The following PRKCE variants were observed in gnomAD, a reference collection of about 807,000 sequenced individuals.
PRKCE encodes the protein protein kinase C epsilon.
In PRKCE, 16 loss-of-function variants were observed where a neutral mutation model predicts 85.4. The observed-to-expected ratio is 0.19, with a 90% CI of 0.13 to 0.28. The LOEUF (loss-of-function observed/expected upper bound fraction) is 0.28. Ranked by LOEUF, PRKCE falls within the 10% of genes least tolerant of loss-of-function variation. PRKCE has a pLI of 1.00. For missense variants in PRKCE, 573 were observed against 975.2 expected (o/e 0.59, Z 5.49); for synonymous variants, 388 against 371.5 (o/e 1.04, Z -0.51).
At chr2:45,685,903 G>T (rs953269521) in intron 1 of PRKCE, among the ~76,000 whole-genome samples, 3 of 152,150 alleles carry the variant, frequency 2.0e-5, no homozygotes, top group Non-Finnish European at 4.4e-5. Flanking sequence ...GCCTATCCAC[G>T]GATAGAACCC....
At chr2:45,753,226 C>T (rs1683729964) in intron 1 of PRKCE, among the ~76,000 whole-genome samples, 1 of 152,120 alleles carries the variant, frequency 6.6e-6, no homozygotes, top group Non-Finnish European at 1.5e-5. Context: ...CACCTCACCC[C>T]ACCCTCCTCC....
chr2:45,950,380 A>C (rs185267874), intron 2 of PRKCE, among the ~76,000 whole-genome samples: 21 of 152,292 alleles, frequency 1.4e-4, no homozygotes, highest in African/African-American at 5.1e-4. Context: ...TCTTTAGGAG[A>C]ATGCATTTTA....
chr2:45,818,995 A>C (rs1203334986), intron 1 of PRKCE, among the ~76,000 whole-genome samples: 1 of 152,160 alleles, frequency 6.6e-6, no homozygotes, highest in Non-Finnish European at 1.5e-5. Context: ...GTAGGGAGGA[A>C]AAAGGATTTG....
At chr2:45,897,378 T>C (rs1420666208) in intron 2 of PRKCE, among the ~76,000 whole-genome samples, 1 of 152,200 alleles carries the variant, frequency 6.6e-6, no homozygotes, top group Non-Finnish European at 1.5e-5. Context: ...GACGGCATCA[T>C]TGCGAACTTG....
At chr2:45,919,406 G>A (rs577399534) in intron 2 of PRKCE, among the ~76,000 whole-genome samples, 6 of 152,344 alleles carry the variant, frequency 3.9e-5, no homozygotes, top group East Asian at 1.9e-4. Context: ...GAAAGCCAGC[G>A]TAGGCAGTGG....
chr2:46,180,871 C>A (rs1000679790), intron 14 of PRKCE, among the ~76,000 whole-genome samples: 2 of 152,262 alleles, frequency 1.3e-5, no homozygotes, highest in African/African-American at 4.8e-5. Flanking sequence ...AGCCGGTGAT[C>A]TTCCTCCTAC....
At chr2:45,855,860 G>A (rs186555304) in intron 2 of PRKCE, among the ~76,000 whole-genome samples, 4 of 152,182 alleles carry the variant, frequency 2.6e-5, no homozygotes, top group Non-Finnish European at 4.4e-5. Flanking sequence ...TTGCCCCTGT[G>A]AGGAGGGGCA....
intron 1 of PRKCE, among the ~76,000 whole-genome samples, chr2:45,768,791 C>A (rs1429335607): frequency 1.3e-5 from 2 of 152,230 alleles, no homozygotes; most frequent in Non-Finnish European, 2.9e-5. Flanking sequence ...CTTTACCATG[C>A]AGCTTAACAC....
chr2:45,984,202 T>TGCTGG (rs1159518357), intron 5 of PRKCE, among the ~76,000 whole-genome samples: 1 of 152,092 alleles, frequency 6.6e-6, no homozygotes, highest in Non-Finnish European at 1.5e-5. Context: ...CCTCCCAAAA[T>TGCTGG]GCTGGGATTA....
At chr2:45,745,116 G>T (rs1456906882) in intron 1 of PRKCE, among the ~76,000 whole-genome samples, 1 of 152,176 alleles carries the variant, frequency 6.6e-6, no homozygotes, top group African/African-American at 2.4e-5. Context: ...GGACAGGGAA[G>T]GCTGTTTTCT....
At chr2:45,984,008 G>A (rs1703110248) in intron 5 of PRKCE, among the ~76,000 whole-genome samples, 1 of 149,808 alleles carries the variant, frequency 6.7e-6, no homozygotes, top group African/African-American at 2.5e-5. Context: ...GATGATCTTG[G>A]CTCACTGCAA....
intron 2 of PRKCE, among the ~76,000 whole-genome samples, chr2:45,950,325 C>G (rs1001994883): frequency 1.3e-5 from 2 of 152,178 alleles, no homozygotes; most frequent in African/African-American, 4.8e-5. Flanking sequence ...GCTTTATACA[C>G]CAGACCATTT....
At chr2:46,144,075 T>A (rs3754568) in intron 11 of PRKCE, among the ~76,000 whole-genome samples, 2 of 152,006 alleles carry the variant, frequency 1.3e-5, no homozygotes, top group African/African-American at 4.8e-5. Flanking sequence ...TCTTCTACCG[T>A]GTCAGGGCTG....
chr2:45,868,513 G>T (rs1168005233), intron 2 of PRKCE, among the ~76,000 whole-genome samples: 1 of 150,530 alleles, frequency 6.6e-6, no homozygotes, highest in African/African-American at 2.4e-5. Flanking sequence ...TAGTAGAGAC[G>T]GAGTTTCCCC....
intron 2 of PRKCE, among the ~76,000 whole-genome samples, chr2:45,946,696 T>C (rs1188058611): frequency 1.3e-5 from 2 of 152,162 alleles, no homozygotes; most frequent in African/African-American, 4.8e-5. Flanking sequence ...CAGGTTGTGA[T>C]AAAGGTACCA....
At chr2:45,957,766 G>A (rs899181282) in intron 2 of PRKCE, among the ~76,000 whole-genome samples, 14 of 152,052 alleles carry the variant, frequency 9.2e-5, no homozygotes, top group African/African-American at 3.1e-4. Flanking sequence ...ACCCAGACAG[G>A]CAGGGCATGG....
At chr2:45,812,183 C>T (rs887609381) in intron 1 of PRKCE, among the ~76,000 whole-genome samples, 3 of 152,208 alleles carry the variant, frequency 2.0e-5, no homozygotes, top group Admixed American at 6.5e-5. Context: ...TTCTACTTAC[C>T]TAACAGGATC....
rs776707652 is a variant in PRKCE at position 45,895,691 on chromosome 2, C to T, written c.412+52628C>T. On this transcript the variant is annotated intron_variant, in intron 2 of 14. Coordinates refer to ENST00000306156, the MANE Select transcript of PRKCE (RefSeq NM_005400.3). The surrounding 1 kb of genome is among the most constrained non-coding windows in gnomAD (Gnocchi z 4.8). ...TCCATCTCAGCTGAATCAAATTGTA[C>T]GGAGCCCTTAATCTCTGCTAGGGGC... Among the ~76,000 whole-genome samples the T allele has an allele frequency of 5.3e-5, 8 of 152,166 alleles. No individual in the cohort carries two copies. The highest frequency in any genetic ancestry group is 2.1e-4 in the South Asian group (1 of 4,834).
intron 1 of PRKCE, among the ~76,000 whole-genome samples, chr2:45,731,323 T>C (rs1230793301): frequency 6.6e-6 from 1 of 152,180 alleles, no homozygotes; most frequent in African/African-American, 2.4e-5. Context: ...GGTTTTCTGG[T>C]CAGTATTTTA....
Sources: allele counts gnomAD v4.1 joint callset (sites outside exome capture counted in the v4.1 genomes callset), GRCh38; gene constraint gnomAD v4.1.1; non-coding constraint Gnocchi (gnomAD v3.1); transcripts MANE v1.5; gene names NCBI Gene and HGNC (gene_info 2026-07-23, HGNC 2026-07-21).